GNAL: variants seen among roughly 807,000 people sequenced by gnomAD.
GNAL encodes guanine nucleotide-binding protein G(olf) subunit alpha.
A neutral mutation model predicts 55.1 loss-of-function variants in GNAL; 18 were observed. The ratio of observed to expected loss-of-function variants is 0.33; its 90% CI spans 0.23 to 0.48. GNAL has a LOEUF of 0.48. Among genes scored for constraint, GNAL ranks in the 20% least tolerant of loss-of-function variants. The pLI, the probability that GNAL is intolerant of heterozygous loss-of-function variation, is 0.99. For synonymous variants in GNAL, 253 were observed against 237.0 expected, an observed-to-expected ratio of 1.07 and a Z score of -0.62; for missense variants, 412 against 614.1, an observed-to-expected ratio of 0.67 and a Z score of 3.48.
At chr18:11,747,108 A>T (rs1460459552) in intron 1 of GNAL, 2 of 417,076 alleles carry the variant, frequency 4.8e-6, no homozygotes, top group Non-Finnish European at 9.5e-6. Flanking sequence ...TGGTGTTCTC[A>T]GCGCAGATCG....
chr18:11,822,354 C>G (rs1209484499), intron 4 of GNAL, among the ~76,000 whole-genome samples: 1 of 152,224 alleles, frequency 6.6e-6, no homozygotes, highest in Non-Finnish European at 1.5e-5. Context: ...CCTGTCGTCC[C>G]CGCTGCTCGG....
At chr18:11,870,000 A>G (rs2036358031) in intron 9 of GNAL, among the ~76,000 whole-genome samples, 3 of 152,216 alleles carry the variant, frequency 2.0e-5, no homozygotes, top group Non-Finnish European at 4.4e-5. Flanking sequence ...ACAACTACTT[A>G]CCTAGCTTTT....
chr18:11,857,905 T>C (rs1419737365), intron 5 of GNAL: 2 of 192,934 alleles, frequency 1.0e-5, no homozygotes, highest in Non-Finnish European at 1.9e-5. Flanking sequence ...ATATCATGAG[T>C]CAAATTTCAT....
chr18:11,824,516 C>G (rs777083968), intron 4 of GNAL, among the ~76,000 whole-genome samples: 5 of 151,668 alleles, frequency 3.3e-5, no homozygotes. Context: ...GGTGAAACCC[C>G]GTCTCTACTA....
chr18:11,750,397 C>T (rs1279399941), intron 1 of GNAL, among the ~76,000 whole-genome samples: 2 of 152,036 alleles, frequency 1.3e-5, no homozygotes, highest in South Asian at 4.2e-4. Flanking sequence ...CCGCGGTGGG[C>T]ACGGTGAGAG....
intron 5 of GNAL, among the ~76,000 whole-genome samples, chr18:11,849,225 G>A (rs2035800529): frequency 6.6e-6 from 1 of 152,174 alleles, no homozygotes; most frequent in African/African-American, 2.4e-5. Context: ...CTATGGGCTG[G>A]GCACGGTGGC....
At chr18:11,822,062 G>A (rs1213073028) in intron 4 of GNAL, among the ~76,000 whole-genome samples, 1 of 152,242 alleles carries the variant, frequency 6.6e-6, no homozygotes, top group African/African-American at 2.4e-5. Context: ...GGTCTTGTGC[G>A]TGCAGAGCGG....
At chr18:11,846,357 C>G (rs2143758200) in intron 5 of GNAL, among the ~76,000 whole-genome samples, 1 of 151,140 alleles carries the variant, frequency 6.6e-6, no homozygotes, top group South Asian at 2.1e-4. Context: ...TGCTGCTGTT[C>G]TATTTCTTTC....
At chr18:11,749,883 G>A (rs1233278254) in intron 1 of GNAL, among the ~76,000 whole-genome samples, 1 of 152,188 alleles carries the variant, frequency 6.6e-6, no homozygotes, top group African/African-American at 2.4e-5. Context: ...GAGGGATGGG[G>A]TAAGCCCTAA....
Position 11,857,654 on chromosome 18 carries a change from G to T in GNAL, c.723-4741G>T, listed in dbSNP as rs779839277. ...TGAATCACTGATCACCTGGGACATG[G>T]TTCAGCTGCACATGCTGACGCAGTG... On this transcript the variant is annotated intron_variant, in intron 5 of 11. Coordinates refer to ENST00000334049, the MANE Select transcript of GNAL (RefSeq NM_182978.4). The T allele has an allele frequency of 1.3e-5, 13 of 985,318 alleles. No homozygotes were observed. The African/African-American group carries it at 1.7e-4, about 13-fold the overall frequency. The allele number at this position is 985,318 out of a possible 1,614,324, so 61.0% of individuals were successfully genotyped here.
chr18:11,774,129 C>T (rs2033712573), intron 4 of GNAL, among the ~76,000 whole-genome samples: 1 of 152,202 alleles, frequency 6.6e-6, no homozygotes, highest in Non-Finnish European at 1.5e-5. Context: ...TCACCCTTCA[C>T]CATGCGTAAT....
Position 11,872,323 on chromosome 18 carries a change from GA to G in GNAL, c.1092del (p.Val365SerfsTer46). The G allele has an allele frequency of 6.3e-7, 1 of 1,579,174 alleles. No homozygotes were observed. Among genetic ancestry groups the G allele is most frequent in the Non-Finnish European group, 8.6e-7 (1 of 1,166,482 alleles). On this transcript the variant is annotated frameshift_variant, in exon 10 of 12. Transcript: ENST00000334049. LOFTEE classifies it high-confidence loss of function. The stretch of plus-strand genomic sequence containing the variant: ...CTTGAACAAACAAGATATGCTGGCA[GA>G]AAAAGTCTTGGCAGGGAAATCAAAA... The part of the protein sequence containing the change: ...LFLNKQDMLA[E>X]KVLAGKSKIE...
intron 4 of GNAL, among the ~76,000 whole-genome samples, chr18:11,802,895 G>A (rs1055390197): frequency 1.3e-5 from 2 of 152,108 alleles, no homozygotes; most frequent in East Asian, 1.9e-4. Flanking sequence ...GCAGGCTCTC[G>A]AGTTCGAGAG....
intron 4 of GNAL, among the ~76,000 whole-genome samples, chr18:11,781,250 T>C (rs560755813): frequency 1.3e-5 from 2 of 152,308 alleles, no homozygotes; most frequent in South Asian, 2.1e-4. Flanking sequence ...TAAATAAAAA[T>C]TGGACTTAGA....
At chr18:11,695,387 G>A (rs914122386) in intron 1 of GNAL, among the ~76,000 whole-genome samples, 1 of 152,200 alleles carries the variant, frequency 6.6e-6, no homozygotes, top group Non-Finnish European at 1.5e-5. Context: ...GCACATGAGA[G>A]ACCATTGGCA....
At chr18:11,876,005 C>T (rs374312212) in intron 10 of GNAL, among the ~76,000 whole-genome samples, 24 of 152,236 alleles carry the variant, frequency 1.6e-4, no homozygotes, top group East Asian at 7.7e-4. Context: ...TCCATGAAGG[C>T]GGAGCCCTCG....
intron 1 of GNAL, among the ~76,000 whole-genome samples, chr18:11,749,125 CAAAAA>C (rs368135476): frequency 1.2e-5 from 1 of 86,546 alleles, no homozygotes; most frequent in Non-Finnish European, 2.6e-5. Context: ...GACTCCATCT[CAAAAA>C]AAAAAAAAAA....
chr18:11,807,380 T>C (rs2034693060), intron 4 of GNAL, among the ~76,000 whole-genome samples: 1 of 151,996 alleles, frequency 6.6e-6, no homozygotes, highest in Non-Finnish European at 1.5e-5. Flanking sequence ...TGGCCATAAC[T>C]GCGTGGACTA....
At chr18:11,789,629 C>CT (rs1178514212) in intron 4 of GNAL, among the ~76,000 whole-genome samples, 2 of 152,332 alleles carry the variant, frequency 1.3e-5, no homozygotes, top group South Asian at 2.1e-4. Flanking sequence ...ACAAAATGTA[C>CT]TTTAAGTGGA....
Sources: gnomAD v4.1 joint callset for allele counts (sites outside exome capture counted in the v4.1 genomes callset) on GRCh38, gnomAD v4.1.1 for gene constraint, MANE v1.5 for transcripts, NCBI Gene and HGNC (gene_info 2026-07-23, HGNC 2026-07-21) for gene names.